Variants in IQSEC1 observed in about 807,000 individuals in gnomAD.
IQSEC1 encodes IQ motif and SEC7 domain-containing protein 1.
Under a neutral mutation model 91.0 loss-of-function variants are expected in IQSEC1, and 31 were observed. That is an observed-to-expected ratio of 0.34 (90% CI 0.26 to 0.46). IQSEC1 has a LOEUF of 0.46. IQSEC1 is among the 20% of genes least tolerant of loss of function. The pLI, the probability that IQSEC1 is intolerant of heterozygous loss-of-function variation, is 1.00. For missense variants in IQSEC1, 1,388 were observed against 1,575.6 expected, an observed-to-expected ratio of 0.88 and a Z score of 2.02; for synonymous variants, 699 against 662.6, an observed-to-expected ratio of 1.05 and a Z score of -0.84.
At chr3:12,921,915 C>G (rs1029915730) in intron 5 of IQSEC1, among the ~76,000 whole-genome samples, 2 of 152,232 alleles carry the variant, frequency 1.3e-5, no homozygotes, top group Non-Finnish European at 2.9e-5. Context: ...TCTCCACCCC[C>G]ACCACCTCAC....
At chr3:13,244,290 TC>T (rs1446763703) in intron 1 of IQSEC1, among the ~76,000 whole-genome samples, 1 of 152,198 alleles carries the variant, frequency 6.6e-6, no homozygotes, top group African/African-American at 2.4e-5. Flanking sequence ...CCTCCCAGAT[TC>T]GAGCGATTCT....
At chr3:13,160,148 A>AT (rs1247559880) in intron 2 of IQSEC1, among the ~76,000 whole-genome samples, 1 of 152,186 alleles carries the variant, frequency 6.6e-6, no homozygotes, top group Admixed American at 6.5e-5. Context: ...TGAATTCACA[A>AT]ACAGGCTTCT....
rs1696530492 is a variant in IQSEC1 at position 12,920,548 on chromosome 3, G to A, written c.1902C>T (p.Asn634=). The A allele has an allele frequency of 1.2e-6, 2 of 1,614,208 alleles. No homozygotes were observed. The highest frequency in any genetic ancestry group is 1.7e-6 in the Non-Finnish European group (2 of 1,180,036). Reference sequence around the variant, plus strand: ...AGGCCAGGATGAAAATGGTGTCTGGGTTCCGGAATTGCCGCACCACCCCAG... The same window carrying A: ...AGGCCAGGATGAAAATGGTGTCTGGATTCCGGAATTGCCGCACCACCCCAG... ...CNPGVVRQFR[N]PDTIFILAFA... is the part of the protein sequence containing the mutation. The change falls in exon 6 of 14, where the codon AAC becomes AAT. Residue 634 remains asparagine (N), a synonymous_variant. Transcript: ENST00000613206.
At chr3:13,060,911 C>T (rs1473167367) in intron 1 of IQSEC1, among the ~76,000 whole-genome samples, 1 of 152,156 alleles carries the variant, frequency 6.6e-6, no homozygotes. Context: ...CAGGGGGGAG[C>T]CTTGAGAGGA....
At chr3:12,904,149 G>A (rs562514612) in intron 12 of IQSEC1, among the ~76,000 whole-genome samples, 2 of 152,368 alleles carry the variant, frequency 1.3e-5, no homozygotes, top group South Asian at 2.1e-4. Flanking sequence ...AGTGCTGTGG[G>A]CTTCGAGCCT....
intron 1 of IQSEC1, among the ~76,000 whole-genome samples, chr3:12,952,871 T>C (rs898207047): frequency 6.6e-6 from 1 of 152,152 alleles, no homozygotes; most frequent in Non-Finnish European, 1.5e-5. Flanking sequence ...AGAAGAGGGA[T>C]GAGGGCTCCA....
intron 1 of IQSEC1, among the ~76,000 whole-genome samples, chr3:12,946,722 A>T (rs1456121765): frequency 1.3e-5 from 2 of 152,186 alleles, no homozygotes; most frequent in Non-Finnish European, 2.9e-5. Context: ...GATGAATGTG[A>T]GCTGATGTCA....
At chr3:13,137,698 C>T (rs1255837276) in intron 2 of IQSEC1, among the ~76,000 whole-genome samples, 1 of 152,210 alleles carries the variant, frequency 6.6e-6, no homozygotes, top group Non-Finnish European at 1.5e-5. Flanking sequence ...TGGCCTGTGC[C>T]TGTGGTCCCA....
chr3:12,924,128 G>C lies in IQSEC1; in HGVS notation c.1730+453C>G, dbSNP rs551052701. ...CACCACTCTCCCCAGGGGTGAGTCA[G>C]GAGCAAACAGGGCATGCAGTCCATG... On this transcript the variant is annotated intron_variant, in intron 4 of 13. Coordinates refer to ENST00000613206, the MANE Select transcript of IQSEC1 (RefSeq NM_001134382.3). The surrounding 1 kb of genome is among the most constrained non-coding windows in gnomAD (Gnocchi z 6.3). Among the ~76,000 whole-genome samples the C allele has an allele frequency of 6.6e-6, 1 of 152,310 alleles. No individual in the cohort carries two copies. Among genetic ancestry groups the C allele is most frequent in the East Asian group, 1.9e-4 (1 of 5,172 alleles).
rs910929829 is a variant in IQSEC1, at chr3:12,900,597, G to T, written c.*386C>A. 1 of 1,040,362 alleles carries T rather than the reference G, an allele frequency of 9.6e-7. No individual in the cohort carries two copies. Among genetic ancestry groups the T allele is most frequent in the African/African-American group, 1.7e-5 (1 of 58,908 alleles). 64.4% of individuals were successfully genotyped at this position (1,040,362 alleles called of 1,614,324 possible). ...GCAAGTTTTGGGGTTTGTTTTGTCT[G>T]TTTTTGTATCTCATTTCTTCGTTTT... On this transcript the variant is annotated 3_prime_UTR_variant, in exon 14 of 14. Coordinates refer to ENST00000613206, the MANE Select transcript of IQSEC1 (RefSeq NM_001134382.3).
intron 1 of IQSEC1, among the ~76,000 whole-genome samples, chr3:12,963,650 G>A (rs1262867970): frequency 6.6e-6 from 1 of 152,322 alleles, no homozygotes; most frequent in South Asian, 2.1e-4. Context: ...AAGACTCAGA[G>A]ATGGAAGGCA....
intron 1 of IQSEC1, among the ~76,000 whole-genome samples, chr3:13,032,184 A>G (rs1215938088): frequency 6.6e-6 from 1 of 152,182 alleles, no homozygotes; most frequent in African/African-American, 2.4e-5. Context: ...GTCTTTCCTA[A>G]AGACAAGAAC....
chr3:12,922,719 G>C lies in IQSEC1; in HGVS notation c.1731-477C>G, dbSNP rs907200473. On this transcript the variant is annotated intron_variant, in intron 4 of 13. Transcript: ENST00000613206. The surrounding 1 kb of genome is among the most constrained non-coding windows in gnomAD (Gnocchi z 5.1). ...CTTGTGGGGAGAGTATCGGGGTGGTGGGCTGGGTTTTGCAGATGCTTTTCC... is the reference window on the plus strand; with the variant it reads ...CTTGTGGGGAGAGTATCGGGGTGGTCGGCTGGGTTTTGCAGATGCTTTTCC... Among the ~76,000 whole-genome samples, 1 of 152,100 alleles carries C rather than the reference G, an allele frequency of 6.6e-6. No individual in the cohort carries two copies. Among genetic ancestry groups the C allele is most frequent in the Non-Finnish European group, 1.5e-5 (1 of 68,008 alleles).
chr3:13,169,187 T>C (rs949348914), intron 1 of IQSEC1, among the ~76,000 whole-genome samples: 6 of 152,200 alleles, frequency 3.9e-5, no homozygotes, highest in African/African-American at 1.4e-4. Context: ...GGCAGGTCTT[T>C]CCCATGCTGT....
At chr3:12,964,607 G>A (rs1435445896) in intron 1 of IQSEC1, among the ~76,000 whole-genome samples, 1 of 152,228 alleles carries the variant, frequency 6.6e-6, no homozygotes, top group Non-Finnish European at 1.5e-5. Flanking sequence ...CCATGAAGCA[G>A]TGTTATCATT....
At chr3:13,283,068 G>GCGGCT (rs1349262641) in exon 1 of IQSEC1, among the ~76,000 whole-genome samples, 4 of 144,766 alleles carry the variant, frequency 2.8e-5, no homozygotes, top group Non-Finnish European at 6.1e-5. Context: ...GGCGGGGACG[G>GCGGCT]CGGCTCGGCG....
At chr3:13,240,622 G>A (rs1288366546) in intron 1 of IQSEC1, among the ~76,000 whole-genome samples, 4 of 152,102 alleles carry the variant, frequency 2.6e-5, no homozygotes, top group Admixed American at 2.6e-4. Context: ...GCCCCTCAGC[G>A]CCACCCTCAC....
rs139956429 is a variant in IQSEC1 at position 13,063,982 on chromosome 3, G to T, written c.23+9010C>A. ...TTAAACTTTTTATTTTGAGATAATC[G>T]TAGATTCATTTGCAGTTGTAAAAAA... On this transcript the variant is annotated intron_variant, in intron 1 of 13. Transcript: ENST00000613206. Among the ~76,000 whole-genome samples the T allele has an allele frequency of 1.5e-3, 222 of 148,300 alleles. 2 individuals are homozygous for T. The highest frequency in any genetic ancestry group is 5.4e-3 in the African/African-American group (214 of 39,680).
chr3:13,023,392 C>T (rs1022668184), intron 1 of IQSEC1, among the ~76,000 whole-genome samples: 21 of 152,276 alleles, frequency 1.4e-4, no homozygotes, highest in East Asian at 5.8e-4. Flanking sequence ...TAATGACTCA[C>T]GGATCAAGGT....
Sources: gnomAD v4.1 joint callset for allele counts (sites outside exome capture counted in the v4.1 genomes callset) on GRCh38, gnomAD v4.1.1 for gene constraint, Gnocchi (gnomAD v3.1) non-coding constraint, MANE v1.5 for transcripts, NCBI Gene and HGNC (gene_info 2026-07-23, HGNC 2026-07-21) for gene names.